The following ABCA12 variants were observed in gnomAD, a reference collection of about 807,000 sequenced individuals.
The protein encoded by ABCA12 is ATP binding cassette subfamily A member 12.
Under a neutral mutation model 293.5 loss-of-function variants are expected in ABCA12, and 156 were observed. That is an observed-to-expected ratio of 0.53 (90% CI 0.47 to 0.61). ABCA12 has a LOEUF of 0.61. Ranked by LOEUF, ABCA12 falls within the 20% of genes least tolerant of loss-of-function variation. ABCA12 has a pLI of 0.00. For missense variants in ABCA12, 2,797 were observed against 3,090.2 expected, an observed-to-expected ratio of 0.91 and a Z score of 2.25; for synonymous variants, 1,063 against 1,108.0, an observed-to-expected ratio of 0.96 and a Z score of 0.81.
At chr2:215,015,377 C>T in intron 15 of ABCA12, 113 bp downstream of exon 15, 5 of 1,149,162 alleles carry the variant, frequency 4.4e-6, no homozygotes, top group Non-Finnish European at 6.3e-6. Flanking sequence ...GCAATAATTC[C>T]AAAAGCCGAA....
chr2:215,080,614 T>C (rs1409238044), intron 2 of ABCA12, among the ~76,000 whole-genome samples: 1 of 152,282 alleles, frequency 6.6e-6, no homozygotes, highest in East Asian at 1.9e-4. Flanking sequence ...TATTTATAAA[T>C]CTAAGAAACA....
At chr2:214,996,684 A>T (rs1392665235) in intron 23 of ABCA12, among the ~76,000 whole-genome samples, 1 of 152,206 alleles carries the variant, frequency 6.6e-6, no homozygotes, top group Non-Finnish European at 1.5e-5. Context: ...ATTCAAACAG[A>T]AGAGGTAAAA....
chr2:215,013,417 G>A (rs1309066485), intron 15 of ABCA12: 1 of 152,260 alleles, frequency 6.6e-6, no homozygotes, highest in Non-Finnish European at 1.5e-5. Flanking sequence ...GATTCAGTTA[G>A]AGAGGTAGCT....
intron 8 of ABCA12, 176 bp from the exon 9 acceptor site, chr2:215,032,072 A>C: frequency 2.0e-6 from 3 of 1,474,076 alleles, no homozygotes; most frequent in Middle Eastern, 2.5e-4. Flanking sequence ...AATATTTGTG[A>C]TATTTATAGG....
chr2:214,944,474 TTGGAGATGGGAAAGGGTA>T (rs980283790), intron 49 of ABCA12, among the ~76,000 whole-genome samples: 1 of 149,892 alleles, frequency 6.7e-6, no homozygotes, highest in Non-Finnish European at 1.5e-5. Flanking sequence ...AAGAAGGGGC[TTGGAGATGGGAAAGGGTA>T]TGGAGATGGG....
chr2:214,968,888 T>C, intron 37 of ABCA12, 81 bp from the exon 38 acceptor site: 2 of 1,293,140 alleles, frequency 1.5e-6, no homozygotes, highest in Non-Finnish European at 2.2e-6. Flanking sequence ...AACGAGGAGC[T>C]CAACTTTTTG....
chr2:214,995,547 G>T (rs1700014830), intron 23 of ABCA12, among the ~76,000 whole-genome samples: 1 of 152,032 alleles, frequency 6.6e-6, no homozygotes, highest in African/African-American at 2.4e-5. Flanking sequence ...CTAGCTCCAA[G>T]GTCTTCAGCA....
At chr2:215,059,769 C>T (rs1413742723) in intron 3 of ABCA12, among the ~76,000 whole-genome samples, 1 of 151,958 alleles carries the variant, frequency 6.6e-6, no homozygotes, top group Non-Finnish European at 1.5e-5. Flanking sequence ...TCTACCTAAC[C>T]ATGAAACAAG....
chr2:215,072,871 C>T (rs1467718536), intron 2 of ABCA12, among the ~76,000 whole-genome samples: 5 of 152,092 alleles, frequency 3.3e-5, no homozygotes, highest in African/African-American at 4.8e-5. Flanking sequence ...CCAAGGTGGG[C>T]GGATCACGAG....
intron 1 of ABCA12, among the ~76,000 whole-genome samples, chr2:215,116,961 G>C (rs1559203724): frequency 6.6e-6 from 1 of 152,156 alleles, no homozygotes. Flanking sequence ...TTCTAAACTG[G>C]ATCCTTTTGC....
At chr2:214,935,806 A>C (rs4673918) in intron 51 of ABCA12, among the ~76,000 whole-genome samples, 1 of 151,676 alleles carries the variant, frequency 6.6e-6, no homozygotes, top group South Asian at 2.1e-4. Context: ...CTTAAAAAAA[A>C]TTTTTTTTAA....
intron 2 of ABCA12, among the ~76,000 whole-genome samples, chr2:215,089,338 C>G (rs891038155): frequency 5.9e-5 from 9 of 152,060 alleles, no homozygotes; most frequent in African/African-American, 2.2e-4. Context: ...CATTACTAGG[C>G]TAAAACTACT....
At chr2:215,110,869 G>T (rs1362336620) in intron 2 of ABCA12, among the ~76,000 whole-genome samples, 1 of 152,318 alleles carries the variant, frequency 6.6e-6, no homozygotes, top group East Asian at 1.9e-4. Context: ...TGTGAAGCAA[G>T]AAGTGTCTGG....
Position 215,037,048 on chromosome 2 carries a change from T to C in ABCA12, c.890A>G (p.Gln297Arg), listed in dbSNP as rs918041879. Residue 297 changes from glutamine (Q) to arginine (R), a missense_variant, in exon 8 of 53, where the codon CAG becomes CGG. By Grantham distance (43) the Gln-to-Arg change is conservative. Coordinates refer to ENST00000272895, the MANE Select transcript of ABCA12 (RefSeq NM_173076.3). ...RKANSVLLVV[Q>R]KVYPRFATNE... is the part of the protein sequence containing the mutation. Reference sequence around the variant, plus strand: ...AGTTGCAAAACGTGGATAAACCTTCTGCACAACCAGCAGCACACTAAGGAG... The same window carrying C: ...AGTTGCAAAACGTGGATAAACCTTCCGCACAACCAGCAGCACACTAAGGAG... 3 of 1,613,932 alleles carry C rather than the reference T, an allele frequency of 1.9e-6. No homozygotes were observed. The Admixed American group carries it at 5.0e-5, about 27-fold the overall frequency.
intron 2 of ABCA12, among the ~76,000 whole-genome samples, chr2:215,093,695 CAA>C (rs757782218): frequency 1.1e-3 from 175 of 152,340 alleles, no homozygotes; most frequent in Non-Finnish European, 1.2e-3. Context: ...TCATAACTTT[CAA>C]AATCTATTTT....
chr2:214,948,668 G>C lies in ABCA12; in HGVS notation c.7032C>G (p.Asp2344Glu). 6.2e-7 allele frequency: 1 copy of C among 1,613,978 alleles called. No homozygotes were observed. The highest frequency in any genetic ancestry group is 8.5e-7 in the Non-Finnish European group (1 of 1,179,936). ...ACAAATGTTCTTCCACAGTTACCAG[G>C]TCATCTAAGGCATCTTCCTGAGGAC... ...GYCPQEDALDDLVTVEEHLYF... is the reference protein window; with the variant it reads ...GYCPQEDALDELVTVEEHLYF... Residue 2344 changes from aspartate to glutamate, a missense_variant, in exon 47 of 53, where the codon GAC (aspartate) becomes GAG (glutamate). Coordinates refer to ENST00000272895, the MANE Select transcript of ABCA12 (RefSeq NM_173076.3).
chr2:214,933,986 A>G (rs2105906964), intron 52 of ABCA12, 92 bp downstream of exon 52: 1 of 1,366,688 alleles, frequency 7.3e-7, no homozygotes. Flanking sequence ...TTCAATTAAA[A>G]ACAAATTGAA....
chr2:215,133,770 T>C (rs1049081913), intron 1 of ABCA12, among the ~76,000 whole-genome samples: 14 of 152,122 alleles, frequency 9.2e-5, no homozygotes, highest in Admixed American at 8.5e-4. Flanking sequence ...ACCACAGATA[T>C]TAAAAATCAT....
intron 20 of ABCA12, among the ~76,000 whole-genome samples, chr2:215,003,666 TA>T (rs1700190866): frequency 2.4e-5 from 1 of 42,278 alleles, no homozygotes; most frequent in Non-Finnish European, 4.2e-5. Flanking sequence ...ATTATAATAA[TA>T]ATAATTTTTT....
Sources: allele counts gnomAD v4.1 joint callset (sites outside exome capture counted in the v4.1 genomes callset), GRCh38; gene constraint gnomAD v4.1.1; transcripts MANE v1.5; gene names NCBI Gene and HGNC (gene_info 2026-07-23, HGNC 2026-07-21).